Variants in TLR3 observed in about 807,000 individuals in gnomAD.
TLR3 encodes the protein toll-like receptor 3.
TLR3 carries 43 observed loss-of-function variants against 66.4 expected under a neutral mutation model. The observed-to-expected ratio is 0.65, with a 90% CI of 0.51 to 0.83. The LOEUF (loss-of-function observed/expected upper bound fraction) is 0.83. Among genes scored for constraint, TLR3 ranks in the 40% least tolerant of loss-of-function variants. The pLI is 0.00. For missense variants in TLR3, 982 were observed against 1,044.6 expected (o/e 0.94, Z 0.83); for synonymous variants, 397 against 397.2 (o/e 1.00, Z 0.01).
At chr4:186,082,092 G>T (rs1579730333) in intron 3 of TLR3, 1 of 542,880 alleles carries the variant, frequency 1.8e-6, no homozygotes, top group Non-Finnish European at 3.2e-6. Context: ...GGACGTGGTG[G>T]CGCATGCCTG....
intron 1 of TLR3, among the ~76,000 whole-genome samples, chr4:186,073,573 A>G (rs2099301897): frequency 1.3e-5 from 2 of 152,084 alleles, no homozygotes; most frequent in African/African-American, 2.4e-5. Flanking sequence ...ACAAAAAACC[A>G]TGACTCCTAC....
Position 186,085,756 on chromosome 4 carries a change from A to G in TLR3, c.*883A>G, listed in dbSNP as rs1579733612. The G allele has an allele frequency of 6.6e-6, 1 of 152,274 alleles. No homozygotes were observed. The highest frequency in any genetic ancestry group is 2.1e-4 in the South Asian group (1 of 4,834). The allele number at this position is 152,274 out of a possible 1,614,324, so 9.4% of individuals were successfully genotyped here. ...TGTAATTAGTGATGATGATCGCTGTATAATATATTCAAAGGAATGTATTAT... is the reference window on the plus strand; with the variant it reads ...TGTAATTAGTGATGATGATCGCTGTGTAATATATTCAAAGGAATGTATTAT... On this transcript the variant is annotated 3_prime_UTR_variant, in exon 5 of 5. Coordinates refer to ENST00000296795, the MANE Select transcript of TLR3 (RefSeq NM_003265.3).
rs1273877290 is a variant in TLR3 at position 186,084,094 on chromosome 4, T to A, written c.2408T>A (p.Ile803Asn). ...FEAGVFELEA[I>N]VNSIKRSRKI... ...GCGGGTGTTTTTGAACTAGAAGCAA[T>A]TGTTAACAGCATCAAAAGAAGCAGA... Residue 803 changes from isoleucine (I) to asparagine (N), a missense_variant, in exon 4 of 5, where the codon ATT becomes AAT. By Grantham distance (149) the Ile-to-Asn change is moderately radical (BLOSUM62 -3). Transcript: ENST00000296795. 1 of 1,614,138 alleles carries A rather than the reference T, an allele frequency of 6.2e-7. No individual in the cohort carries two copies. The highest frequency in any genetic ancestry group is 1.7e-5 in the Admixed American group (1 of 60,016).
Position 186,082,605 on chromosome 4 carries a change from TATA to T in TLR3, c.926_928del (p.Asn309del), listed in dbSNP as rs1561372028. On this transcript the variant is annotated inframe_deletion, in exon 4 of 5. Coordinates refer to ENST00000296795, the MANE Select transcript of TLR3 (RefSeq NM_003265.3). ...ACAACTAGAATATTTCTTCCTAGAG[TATA>T]ATAATATACAGCATTTGTTTTCTCA... The T allele has an allele frequency of 1.9e-6, 3 of 1,613,990 alleles. No homozygotes were observed. In the African/African-American group the frequency reaches 4.0e-5, roughly 22 times the overall value.
rs568993313 is a variant in TLR3, at chr4:186,087,662, T to G, written c.*2789T>G. ...TGTAATCAGAGGTAGATGCTATCAA[T>G]TTGTTAGTGAGGAGGGGAGGAGTTT... On this transcript the variant is annotated 3_prime_UTR_variant, in exon 5 of 5. Coordinates refer to ENST00000296795, the MANE Select transcript of TLR3 (RefSeq NM_003265.3). 6.6e-6 allele frequency: 1 copy of G among 152,302 alleles called. No homozygotes were observed. The highest frequency in any genetic ancestry group is 2.4e-5 in the African/African-American group (1 of 41,572). The allele number at this position is 152,302 out of a possible 1,614,324, so 9.4% of individuals were successfully genotyped here. A position where few individuals can be genotyped will look rare whatever the true frequency, so the allele number is the denominator to read the frequency against.
Position 186,086,103 on chromosome 4 carries a change from A to T in TLR3, c.*1230A>T, listed in dbSNP as rs968212052. 1.3e-5 allele frequency: 2 copies of T among 152,214 alleles called. No individual in the cohort carries two copies. The highest frequency in any genetic ancestry group is 6.5e-5 in the Admixed American group (1 of 15,276). The allele number at this position is 152,214 out of a possible 1,614,324, so 9.4% of individuals were successfully genotyped here. ...GGTCTTGAACTCCTGACCTCAAGTG[A>T]TCCTCTCGCCTTGGCCTCCCAAAGT... On this transcript the variant is annotated 3_prime_UTR_variant, in exon 5 of 5. Transcript: ENST00000296795.
intron 4 of TLR3, 59 bp from the exon 5 acceptor site, chr4:186,084,586 G>C: frequency 8.9e-7 from 1 of 1,124,732 alleles, no homozygotes. Flanking sequence ...TTTTTAAATA[G>C]TATTGCTTCT....
intron 1 of TLR3, among the ~76,000 whole-genome samples, chr4:186,073,131 A>G (rs552584670): frequency 6.6e-6 from 1 of 152,334 alleles, no homozygotes; most frequent in Non-Finnish European, 1.5e-5. Context: ...GGAAGAGAGT[A>G]GACAGCCCAG....
At position 186,076,812 on chromosome 4, in the gene TLR3, A is replaced by C. The variant is rs1426754278; in HGVS notation, c.193A>C (p.Arg65=). 1.5e-5 allele frequency: 25 copies of C among 1,614,188 alleles called. No individual in the cohort carries two copies. The highest frequency in any genetic ancestry group is 2.0e-5 in the Non-Finnish European group (24 of 1,180,038). Residue 65 remains arginine (R), a synonymous_variant, in exon 2 of 5, where the codon AGA becomes CGA. Coordinates refer to ENST00000296795, the MANE Select transcript of TLR3 (RefSeq NM_003265.3). ...VLNLTHNQLR[R]LPAANFTRYS... is the part of the protein sequence containing the mutation. The stretch of plus-strand genomic sequence containing the variant: ...GAACCTTACCCATAATCAACTCAGA[A>C]GATTACCAGCCGCCAACTTCACAAG...
At position 186,082,491 on chromosome 4, in the gene TLR3, T is replaced by C. The variant is rs748822809; in HGVS notation, c.805T>C (p.Leu269=). 5 of 1,614,050 alleles carry C rather than the reference T, an allele frequency of 3.1e-6. 1 individual carries two copies. Among genetic ancestry groups the C allele is most frequent in the South Asian group, 2.2e-5 (2 of 91,082 alleles). ...QLSTTSNTTF[L]GLKWTNLTML... ...GTCCACCACCAGCAATACAACTTTC[T>C]TGGGACTAAAGTGGACAAATCTCAC... Residue 269 remains leucine, a synonymous_variant, in exon 4 of 5, where the codon TTG becomes CTG. Coordinates refer to ENST00000296795, the MANE Select transcript of TLR3 (RefSeq NM_003265.3).
intron 2 of TLR3, among the ~76,000 whole-genome samples, chr4:186,077,449 C>A (rs1193741108): frequency 6.6e-6 from 1 of 152,138 alleles, no homozygotes. Flanking sequence ...CAAATTGATA[C>A]AATGATCAAG....
Position 186,070,300 on chromosome 4 carries a change from C to G in TLR3, c.-8+1052C>G, listed in dbSNP as rs563987656. 2.6e-5 allele frequency among the ~76,000 whole-genome samples: 4 copies of G among 152,288 alleles called. No homozygotes were observed. In the South Asian group the frequency reaches 8.3e-4, roughly 32 times the overall value. ...ATAAACTTACTGAATTTTTGCATAT[C>G]TCAAAATACTTATACCTTTTTATTT... On this transcript the variant is annotated intron_variant, in intron 1 of 4. Coordinates refer to ENST00000296795, the MANE Select transcript of TLR3 (RefSeq NM_003265.3).
At position 186,083,213 on chromosome 4, in the gene TLR3, C is replaced by T; in HGVS notation, c.1527C>T (p.Thr509=). 1.9e-6 allele frequency: 3 copies of T among 1,614,184 alleles called. No individual in the cohort carries two copies. The highest frequency in any genetic ancestry group is 2.5e-6 in the Non-Finnish European group (3 of 1,180,036). Residue 509 remains threonine, a synonymous_variant, in exon 4 of 5, where the codon ACC becomes ACT. Coordinates refer to ENST00000296795, the MANE Select transcript of TLR3 (RefSeq NM_003265.3). The surrounding 1 kb of genome is among the most constrained non-coding windows in gnomAD (Gnocchi z 4.0). The part of the protein sequence containing the change: ...PSPFQPLRNL[T]ILDLSNNNIA... ...CATTCCAGCCTCTTCGTAACTTGAC[C>T]ATTCTGGATCTAAGCAACAACAACA...
In TLR3 at chr4:186,077,189, A is replaced by G. The variant is rs1359768220; in HGVS notation, c.441+129A>G. 7 of 963,786 alleles carry G rather than the reference A, an allele frequency of 7.3e-6. No homozygotes were observed. The Admixed American group carries it at 1.6e-4, about 23-fold the overall frequency. The allele number at this position is 963,786 out of a possible 1,614,324, so 59.7% of individuals were successfully genotyped here. A position where few individuals can be genotyped will look rare whatever the true frequency, so the allele number is the denominator to read the frequency against. On this transcript the variant is annotated intron_variant, in intron 2 of 4. Coordinates refer to ENST00000296795, the MANE Select transcript of TLR3 (RefSeq NM_003265.3). ...AATCCAATTTGCCACAAATATTGCC[A>G]TTATAATAGAAAATGCTTCCAAAAG...
chr4:186,087,894 T>C lies in TLR3; in HGVS notation c.*3021T>C, dbSNP rs2099304623. The stretch of plus-strand genomic sequence containing the variant: ...AACAGGAATGGGGAGTGGCTGCAAA[T>C]AGGTGGAAGAGACCTTTTTTGGGTG... On this transcript the variant is annotated 3_prime_UTR_variant, in exon 5 of 5. Transcript: ENST00000296795. The C allele has an allele frequency of 6.6e-6, 1 of 152,096 alleles. No homozygotes were observed. The highest frequency in any genetic ancestry group is 6.6e-5 in the Admixed American group (1 of 15,262). 9.4% of individuals were successfully genotyped at this position (152,096 alleles called of 1,614,324 possible). A position where few individuals can be genotyped will look rare whatever the true frequency, so the allele number is the denominator to read the frequency against.
intron 3 of TLR3, among the ~76,000 whole-genome samples, chr4:186,081,454 G>GTA (rs2099303450): frequency 1.3e-5 from 2 of 152,054 alleles, no homozygotes; most frequent in Non-Finnish European, 1.5e-5. Flanking sequence ...GAAGGGAGCT[G>GTA]GAAAAACACG....
chr4:186,082,520 G>A lies in TLR3; in HGVS notation c.834G>A (p.Met278Ile). The A allele has an allele frequency of 6.2e-7, 1 of 1,614,138 alleles. No homozygotes were observed. Among genetic ancestry groups the A allele is most frequent in the Non-Finnish European group, 8.5e-7 (1 of 1,180,026 alleles). ...GACTAAAGTGGACAAATCTCACTAT[G>A]CTCGATCTTTCCTACAACAACTTAA... ...FLGLKWTNLTMLDLSYNNLNV... is the reference protein window; with the variant it reads ...FLGLKWTNLTILDLSYNNLNV... Residue 278 changes from methionine (M) to isoleucine (I), a missense_variant, in exon 4 of 5, where the codon ATG becomes ATA. Coordinates refer to ENST00000296795, the MANE Select transcript of TLR3 (RefSeq NM_003265.3).
chr4:186,079,343 C>G (rs1160002803), intron 3 of TLR3, among the ~76,000 whole-genome samples: 5 of 152,228 alleles, frequency 3.3e-5, no homozygotes, highest in African/African-American at 9.6e-5. Context: ...CACACAAACT[C>G]TCTGACAGAG....
At chr4:186,082,299 C>T (rs1561371840) in intron 3 of TLR3, 21 bp from the exon 4 acceptor site, 8 of 1,404,310 alleles carry the variant, frequency 5.7e-6, no homozygotes, top group Non-Finnish European at 7.7e-6. Context: ...TTGTTAACCT[C>T]TTTTTTTTTC....
Sources: gnomAD v4.1 joint callset for allele counts (sites outside exome capture counted in the v4.1 genomes callset) on GRCh38, gnomAD v4.1.1 for gene constraint, Gnocchi (gnomAD v3.1) non-coding constraint, MANE v1.5 for transcripts, NCBI Gene and HGNC (gene_info 2026-07-23, HGNC 2026-07-21) for gene names.